The following SIRT7 variants were observed in gnomAD, a reference collection of about 807,000 sequenced individuals.
The protein encoded by SIRT7 is NAD-dependent protein deacetylase sirtuin-7.
A neutral mutation model predicts 42.8 loss-of-function variants in SIRT7; 32 were observed. The observed-to-expected ratio is 0.75, with a 90% CI of 0.56 to 1.00. SIRT7 has a LOEUF of 1.00. SIRT7 is among the 50% of genes least tolerant of loss of function. The pLI, the probability that SIRT7 is intolerant of heterozygous loss-of-function variation, is 0.00. For synonymous variants in SIRT7, 297 were observed against 245.2 expected (o/e 1.21, Z -1.97); for missense variants, 553 against 572.2 (o/e 0.97, Z 0.34).
In SIRT7 at chr17:81,912,389, G is replaced by A. The variant is rs1442602290; in HGVS notation, c.*27C>T. The A allele has an allele frequency of 1.2e-6, 2 of 1,613,920 alleles. No homozygotes were observed. Among genetic ancestry groups the A allele is most frequent in the Non-Finnish European group, 1.7e-6 (2 of 1,179,938 alleles). On this transcript the variant is annotated 3_prime_UTR_variant, in exon 10 of 10. Transcript: ENST00000328666. Reference sequence around the variant, plus strand: ...CCGTGACACTGGCCATCTGCAAAGTGCCAACTGTTCTTCATCGAGCACGTG... The same window carrying A: ...CCGTGACACTGGCCATCTGCAAAGTACCAACTGTTCTTCATCGAGCACGTG...
Position 81,912,466 on chromosome 17 carries a change from A to G in SIRT7, c.1153T>C (p.Trp385Arg). The G allele has an allele frequency of 6.2e-7, 1 of 1,613,970 alleles. No individual in the cohort carries two copies. ...PLSSAPILGG[W>R]FGRGCTKRTK... Reference sequence around the variant, plus strand: ...CGTTTTGTGCAGCCCCTGCCAAACCAGCCCCCTAGGATGGGGGCCGAGCTA... The same window carrying G: ...CGTTTTGTGCAGCCCCTGCCAAACCGGCCCCCTAGGATGGGGGCCGAGCTA... Residue 385 changes from tryptophan (W) to arginine (R), a missense_variant, in exon 10 of 10, where the codon TGG becomes CGG. Trp to Arg is a moderately radical substitution (Grantham distance 101, BLOSUM62 -3). Coordinates refer to ENST00000328666, the MANE Select transcript of SIRT7 (RefSeq NM_016538.3).
chr17:81,917,899 G>C lies in SIRT7; in HGVS notation c.162C>G (p.Ser54Arg). 7.0e-7 allele frequency: 1 copy of C among 1,426,440 alleles called. No individual in the cohort carries two copies. The highest frequency in any genetic ancestry group is 1.5e-5 in the African/African-American group (1 of 67,266). The allele number at this position is 1,426,440 out of a possible 1,614,324, so 88.4% of individuals were successfully genotyped here. Residue 54 changes from serine (S) to arginine (R), a missense_variant, in exon 2 of 10, where the codon AGC (serine) becomes AGG (arginine). Transcript: ENST00000328666. ...CCTGCAGCTCCGTTACCAGGTCCGC[G>C]CTCTCGGCCAGCAGCCGGCCCTCCT... The part of the protein sequence containing the change: ...SAEEGRLLAE[S>R]ADLVTELQGR...
Position 81,914,487 on chromosome 17 carries a change from A to G in SIRT7, c.623T>C (p.Phe208Ser). The G allele has an allele frequency of 6.2e-7, 1 of 1,613,118 alleles. No homozygotes were observed. Among genetic ancestry groups the G allele is most frequent in the Non-Finnish European group, 8.5e-7 (1 of 1,180,006 alleles). ...GAGGGCAGTGCGCTCCGTCACATCG[A>G]ACACCCGCACGTACTCCCTGTTGGG... ...CVPNREYVRV[F>S]DVTERTALHR... Residue 208 changes from phenylalanine to serine, a missense_variant, in exon 7 of 10, where the codon TTC (phenylalanine) becomes TCC (serine). Transcript: ENST00000328666.
chr17:81,917,421 G>A (rs2040825275), intron 3 of SIRT7, 194 bp downstream of exon 3: 2 of 483,792 alleles, frequency 4.1e-6, no homozygotes, highest in Non-Finnish European at 7.0e-6. Context: ...CACCCCATTC[G>A]TATCTCTACT....
chr17:81,917,288 G>A, intron 3 of SIRT7: 1 of 242,588 alleles, frequency 4.1e-6, no homozygotes, highest in Non-Finnish European at 7.9e-6. Flanking sequence ...GTGTATTCTG[G>A]CTCTTACTGT....
chr17:81,915,870 T>C lies in SIRT7; in HGVS notation c.337-189A>G, dbSNP rs547109005. 4.7e-5 allele frequency: 30 copies of C among 637,500 alleles called. No homozygotes were observed. The African/African-American group carries it at 4.7e-4, about 10-fold the overall frequency. The allele number at this position is 637,500 out of a possible 1,614,324, so 39.5% of individuals were successfully genotyped here. ...GTGTACCCCAATTCGGCTCCTCCCT[T>C]CTACCTGGACTTCCGTTTCCCGCCT... On this transcript the variant is annotated intron_variant, in intron 3 of 9. Transcript: ENST00000328666.
intron 7 of SIRT7, 57 bp downstream of exon 7, chr17:81,914,237 C>G (rs2040748151): frequency 9.3e-6 from 15 of 1,611,664 alleles, no homozygotes; most frequent in South Asian, 7.7e-5. Flanking sequence ...GGCCGCAGAG[C>G]TGGACACCCT....
Position 81,918,045 on chromosome 17 carries a change from G to A in SIRT7, c.87C>T (p.Leu29=), listed in dbSNP as rs1192383829. The A allele has an allele frequency of 6.6e-7, 1 of 1,507,066 alleles. No individual in the cohort carries two copies. 93.4% of individuals were successfully genotyped at this position (1,507,066 alleles called of 1,614,324 possible). ...RLREEQQRER[L]RQVSRILRKA... ...GGGAGCGGCGGCGGCGTACCTGGCG[G>A]AGGCGCTCCCTCTGCTGCTCCTCCC... Residue 29 remains leucine, a synonymous_variant, in exon 1 of 10, where the codon CTC becomes CTT. Coordinates refer to ENST00000328666, the MANE Select transcript of SIRT7 (RefSeq NM_016538.3).
At chr17:81,912,667 C>T (rs1199013028) in intron 9 of SIRT7, 53 bp from the exon 10 acceptor site, 41 of 1,558,574 alleles carry the variant, frequency 2.6e-5, no homozygotes, top group Non-Finnish European at 3.6e-5. Context: ...CTCGCAGTCA[C>T]ACCTGCCCCA....
Position 81,912,406 on chromosome 17 carries a change from G to A in SIRT7, c.*10C>T, listed in dbSNP as rs750240504. The A allele has an allele frequency of 1.4e-5, 23 of 1,613,910 alleles. No homozygotes were observed. Among genetic ancestry groups the A allele is most frequent in the Admixed American group, 1.0e-4 (6 of 60,010 alleles). ...TGCAAAGTGCCAACTGTTCTTCATC[G>A]AGCACGTGATTACGTCACTTTCTTC... is the stretch of plus-strand genomic sequence containing the variant. On this transcript the variant is annotated 3_prime_UTR_variant, in exon 10 of 10. Transcript: ENST00000328666.
intron 3 of SIRT7, 95 bp from the exon 4 acceptor site, chr17:81,915,776 G>C: frequency 2.9e-6 from 4 of 1,361,706 alleles, no homozygotes; most frequent in Non-Finnish European, 4.1e-6. Flanking sequence ...CACTCCTGCC[G>C]CATTCCGGGC....
chr17:81,913,311 A>G lies in SIRT7; in HGVS notation c.1004+463T>C, dbSNP rs777329412. The G allele has an allele frequency of 8.6e-5, 39 of 455,842 alleles. No homozygotes were observed. The highest frequency in any genetic ancestry group is 3.2e-4 in the Middle Eastern group (1 of 3,090). The allele number at this position is 455,842 out of a possible 1,614,324, so 28.2% of individuals were successfully genotyped here. On this transcript the variant is annotated intron_variant, in intron 9 of 9. Transcript: ENST00000328666. This position sits in a 1 kb window ranked among gnomAD's most constrained non-coding sequence, Gnocchi z 5.0. ...ATAAGACCCTGAAAATTCACAGAGA[A>G]AGAGAGTGTAAACTTTTTACTCAAT...
Position 81,917,904 on chromosome 17 carries a change from C to G in SIRT7, c.157G>C (p.Glu53Gln). The change falls in exon 2 of 10, where the codon GAG becomes CAG. Residue 53 changes from glutamate to glutamine, a missense_variant. By Grantham distance (29) the Glu-to-Gln change is conservative (BLOSUM62 2). Transcript: ENST00000328666. ...RSAEEGRLLA[E>Q]SADLVTELQG... is the part of the protein sequence containing the mutation. ...AGCTCCGTTACCAGGTCCGCGCTCT[C>G]GGCCAGCAGCCGGCCCTCCTCGGCG... 1 of 1,424,010 alleles carries G rather than the reference C, an allele frequency of 7.0e-7. No individual in the cohort carries two copies. Among genetic ancestry groups the G allele is most frequent in the Non-Finnish European group, 9.2e-7 (1 of 1,090,428 alleles). 88.2% of individuals were successfully genotyped at this position (1,424,010 alleles called of 1,614,324 possible).
rs1415479709 is a variant in SIRT7, at chr17:81,913,985, C to T, written c.897+102G>A. 3 of 1,553,516 alleles carry T rather than the reference C, an allele frequency of 1.9e-6. No homozygotes were observed. Among genetic ancestry groups the T allele is most frequent in the Non-Finnish European group, 2.6e-6 (3 of 1,135,160 alleles). On this transcript the variant is annotated intron_variant, in intron 8 of 9. Transcript: ENST00000328666. The surrounding 1 kb of genome is among the most constrained non-coding windows in gnomAD (Gnocchi z 5.0). ...TCAGTCGGTGCTCCCTGAGCACCCA[C>T]GGGGGCCCTATCAGACCGCCCTGGT...
intron 3 of SIRT7, chr17:81,916,022 T>A (rs751267266): frequency 1.4e-5 from 5 of 353,040 alleles, no homozygotes; most frequent in Non-Finnish European, 2.8e-5. Context: ...CTAGTCATGT[T>A]CCTAAAGTGC....
In SIRT7 at chr17:81,912,501, C is replaced by A. The variant is rs144915617; in HGVS notation, c.1118G>T (p.Gly373Val). 6.2e-7 allele frequency: 1 copy of A among 1,613,884 alleles called. No individual in the cohort carries two copies. The highest frequency in any genetic ancestry group is 2.2e-5 in the East Asian group (1 of 44,892). Residue 373 changes from glycine (G) to valine (V), a missense_variant, in exon 10 of 10, where the codon GGT (glycine) becomes GTT (valine). Transcript: ENST00000328666. ...SREEAPPGDR[G>V]APLSSAPILG... Reference sequence around the variant, plus strand: ...GATGGGGGCCGAGCTAAGCGGTGCACCCCGGTCCCCAGGCGGGGCCTCCTC... The same window carrying A: ...GATGGGGGCCGAGCTAAGCGGTGCAACCCGGTCCCCAGGCGGGGCCTCCTC...
In SIRT7 at chr17:81,912,365, C is replaced by G; in HGVS notation, c.*51G>C. On this transcript the variant is annotated 3_prime_UTR_variant, in exon 10 of 10. Transcript: ENST00000328666. ...CCCGTGGGGGCAACCCAGCCTTCAC[C>G]GTGACACTGGCCATCTGCAAAGTGC... The G allele has an allele frequency of 6.2e-7, 1 of 1,609,224 alleles. No individual in the cohort carries two copies. Among genetic ancestry groups the G allele is most frequent in the Non-Finnish European group, 8.5e-7 (1 of 1,175,842 alleles).
Position 81,912,347 on chromosome 17 carries a change from G to A in SIRT7, c.*69C>T, listed in dbSNP as rs2040684573. 7 of 1,588,600 alleles carry A rather than the reference G, an allele frequency of 4.4e-6. No homozygotes were observed. Among genetic ancestry groups the A allele is most frequent in the Non-Finnish European group, 6.0e-6 (7 of 1,157,600 alleles). ...GAGTTCGTTCTCCCTAGACCCGTGG[G>A]GGCAACCCAGCCTTCACCGTGACAC... On this transcript the variant is annotated 3_prime_UTR_variant, in exon 10 of 10. Coordinates refer to ENST00000328666, the MANE Select transcript of SIRT7 (RefSeq NM_016538.3).
Position 81,917,865 on chromosome 17 carries a change from G to T in SIRT7, c.196C>A (p.Arg66=), listed in dbSNP as rs1410228022. Residue 66 remains arginine (R), a synonymous_variant, in exon 2 of 10, where the codon CGG becomes AGG. Coordinates refer to ENST00000328666, the MANE Select transcript of SIRT7 (RefSeq NM_016538.3). ...DLVTELQGRS[R]RREGLKRRQE... Reference sequence around the variant, plus strand: ...CGCCGCTTCAGGCCCTCGCGCCGCCGGCTCCGGCCCTGCAGCTCCGTTACC... The same window carrying T: ...CGCCGCTTCAGGCCCTCGCGCCGCCTGCTCCGGCCCTGCAGCTCCGTTACC... 7.0e-7 allele frequency: 1 copy of T among 1,437,594 alleles called. No homozygotes were observed. The highest frequency in any genetic ancestry group is 2.7e-5 in the Admixed American group (1 of 37,564). 89.1% of individuals were successfully genotyped at this position (1,437,594 alleles called of 1,614,324 possible).
Sources: gnomAD v4.1 joint callset for allele counts on GRCh38, gnomAD v4.1.1 for gene constraint, Gnocchi (gnomAD v3.1) non-coding constraint, MANE v1.5 for transcripts, NCBI Gene and HGNC (gene_info 2026-07-23, HGNC 2026-07-21) for gene names.